The following ALLC variants were observed in gnomAD, a reference collection of about 807,000 sequenced individuals.
ALLC encodes allantoicase, also known as probable inactive allantoicase.
In ALLC, 40 loss-of-function variants were observed where a neutral mutation model predicts 45.0. The observed-to-expected ratio is 0.89, with a 90% CI of 0.69 to 1.16. The LOEUF (loss-of-function observed/expected upper bound fraction) is 1.16. Ranked by LOEUF, ALLC falls within the 50% of genes most tolerant of loss-of-function variation. ALLC has a pLI of 0.00. For missense variants in ALLC, 488 were observed against 493.1 expected (o/e 0.99, Z 0.10); for synonymous variants, 176 against 178.1 (o/e 0.99, Z 0.09).
At chr2:3,653,757 G>A (rs1666385624), upstream of ALLC, among the ~76,000 whole-genome samples, 1 of 152,012 alleles carries the variant, frequency 6.6e-6, no homozygotes. The surrounding 1 kb of genome is among the most constrained non-coding windows in gnomAD (Gnocchi z 4.1). Flanking sequence ...TGGCAGAGCT[G>A]AGGGAAGACT....
intron 1 of ALLC, among the ~76,000 whole-genome samples, chr2:3,663,237 T>C (rs944385436): frequency 6.6e-6 from 1 of 152,172 alleles, no homozygotes; most frequent in Admixed American, 6.5e-5. Flanking sequence ...TGGAATACTA[T>C]GCAGCCATAA....
intron 1 of ALLC, among the ~76,000 whole-genome samples, chr2:3,669,482 C>A (rs1666808945): frequency 6.9e-6 from 1 of 145,012 alleles, no homozygotes; most frequent in South Asian, 2.2e-4. Flanking sequence ...TCAAAAAAAA[C>A]CCTCCCAAAA....
rs570035842 is a variant in ALLC, at chr2:3,686,886, AAGG to A, written c.511+3815_511+3817del. ...GTATAAGATCATATTGTCTATGAAG[AAGG>A]AGAACTTCACTTCTTTCTTTTCAAT... On this transcript the variant is annotated intron_variant, in intron 7 of 11. Coordinates refer to ENST00000252505, the MANE Select transcript of ALLC (RefSeq NM_018436.4). Among the ~76,000 whole-genome samples the A allele has an allele frequency of 4.1e-4, 62 of 151,118 alleles. 1 individual carries two copies. Among genetic ancestry groups the A allele is most frequent in the African/African-American group, 1.4e-3 (60 of 41,446 alleles).
chr2:3,664,506 G>A (rs1666647299), intron 1 of ALLC, among the ~76,000 whole-genome samples: 1 of 152,202 alleles, frequency 6.6e-6, no homozygotes, highest in Non-Finnish European at 1.5e-5. Context: ...GGGTCAGTGA[G>A]TGGACATCGA....
chr2:3,684,018 A>G (rs1253211326), intron 7 of ALLC, among the ~76,000 whole-genome samples: 1 of 152,236 alleles, frequency 6.6e-6, no homozygotes, highest in Non-Finnish European at 1.5e-5. Context: ...ACTTGTTTCC[A>G]TCTGCTGGCT....
chr2:3,651,321 GTGTGT>G, the ALLC span, among the ~76,000 whole-genome samples: 8 of 1,700 alleles, frequency 4.7e-3, no homozygotes, highest in Non-Finnish European at 8.3e-3. Context: ...GGTGGGGGGG[GTGTGT>G]GTGTGTGTGT....
At chr2:3,646,438 AC>A in the ALLC span, among the ~76,000 whole-genome samples, 6 of 152,230 alleles carry the variant, frequency 3.9e-5, no homozygotes, top group African/African-American at 1.4e-4. Context: ...ACAGTTCTTG[AC>A]AGGAATTTCT....
At chr2:3,702,334 T>C (rs776013492) in intron 11 of ALLC, 29 bp from the exon 12 acceptor site, 2 of 1,604,894 alleles carry the variant, frequency 1.2e-6, no homozygotes, top group Non-Finnish European at 1.7e-6. Context: ...GTTAACAGAC[T>C]AGGACCTCTG....
chr2:3,651,314 G>GTGTGTGTGTGTGTGTGTGTGTGT, the ALLC span, among the ~76,000 whole-genome samples: 1 of 4,922 alleles, frequency 2.0e-4, no homozygotes, highest in African/African-American at 9.1e-4. Flanking sequence ...GTGGGTGGGT[G>GTGTGTGTGTGTGTGTGTGTGTGT]GGGGGGGTGT....
At chr2:3,699,650 C>T (rs949092686) in intron 10 of ALLC, among the ~76,000 whole-genome samples, 1 of 152,138 alleles carries the variant, frequency 6.6e-6, no homozygotes, top group Non-Finnish European at 1.5e-5. Flanking sequence ...TTCTCCACAA[C>T]CTTGTCAACA....
At chr2:3,650,850 T>C in the ALLC span, among the ~76,000 whole-genome samples, 1 of 152,216 alleles carries the variant, frequency 6.6e-6, no homozygotes, top group Non-Finnish European at 1.5e-5. Context: ...TCTTTGTACC[T>C]GGTTAATTCA....
chr2:3,679,917 G>C lies in ALLC; in HGVS notation c.221G>C (p.Gly74Ala). 6.2e-7 allele frequency: 1 copy of C among 1,613,974 alleles called. No individual in the cohort carries two copies. Among genetic ancestry groups the C allele is most frequent in the East Asian group, 2.2e-5 (1 of 44,876 alleles). The stretch of plus-strand genomic sequence containing the variant: ...CTGGGGATCCAAGGAGTCATCCGGG[G>C]CTTCGACGTGGACGTTTCTTACTTC... ...LRLGIQGVIR[G>A]FDVDVSYFTG... Residue 74 changes from glycine to alanine, a missense_variant, in exon 5 of 12, where the codon GGC (glycine) becomes GCC (alanine). Gly to Ala is a moderately conservative substitution (Grantham distance 60). Transcript: ENST00000252505.
intron 3 of ALLC, 81 bp from the exon 4 acceptor site, chr2:3,678,387 C>T (rs1226388963): frequency 6.5e-6 from 8 of 1,227,196 alleles, no homozygotes; most frequent in Non-Finnish European, 8.4e-6. Flanking sequence ...TCCTCTGGCA[C>T]TGTGGGACAG....
intron 6 of ALLC, among the ~76,000 whole-genome samples, chr2:3,682,596 G>A (rs1026024096): frequency 1.3e-5 from 2 of 152,138 alleles, no homozygotes; most frequent in Non-Finnish European, 2.9e-5. Flanking sequence ...CGCGATCTCG[G>A]CTCACTGCAA....
In ALLC at chr2:3,697,430, T is replaced by C. The variant is rs1667704158; in HGVS notation, c.824T>C (p.Ile275Thr). 6.2e-7 allele frequency: 1 copy of C among 1,613,734 alleles called. No individual in the cohort carries two copies. The highest frequency in any genetic ancestry group is 1.3e-5 in the African/African-American group (1 of 74,890). The change falls in exon 10 of 12, where the codon ATT becomes ACT. Residue 275 changes from isoleucine (I) to threonine (T), a missense_variant. Physicochemically the swap from Ile to Thr is moderately conservative, Grantham distance 89. Coordinates refer to ENST00000252505, the MANE Select transcript of ALLC (RefSeq NM_018436.4). ...GCACATCCTGGAGTAATAACTCGAA[T>C]TGAAATTGACACAAAATATTTTGAA... is the stretch of plus-strand genomic sequence containing the variant. ...RLAHPGVITRIEIDTKYFEGN... is the reference protein window; with the variant it reads ...RLAHPGVITRTEIDTKYFEGN...
At chr2:3,678,649 T>G in intron 4 of ALLC, 94 bp downstream of exon 4, 1 of 946,552 alleles carries the variant, frequency 1.1e-6, no homozygotes, top group Non-Finnish European at 1.7e-6. Flanking sequence ...TGGGTCAGCT[T>G]TAACATGGGG....
At chr2:3,672,241 C>G (rs1238855458) in intron 2 of ALLC, among the ~76,000 whole-genome samples, 1 of 116,284 alleles carries the variant, frequency 8.6e-6, no homozygotes. Context: ...GGTCCTCTGG[C>G]TCTGGTTAGA....
At chr2:3,660,908 A>ATGAGTCAGGGTGG (rs1666558990) in intron 1 of ALLC, among the ~76,000 whole-genome samples, 8 of 111,576 alleles carry the variant, frequency 7.2e-5, no homozygotes, top group East Asian at 3.3e-4. Flanking sequence ...CAGGTGATCA[A>ATGAGTCAGGGTGG]AAAAGGTTGC....
chr2:3,652,039 A>G, the ALLC span, among the ~76,000 whole-genome samples: 4,694 of 152,250 alleles, frequency 0.031, 231 homozygotes, highest in African/African-American at 0.11. Context: ...AAGCAGGAAA[A>G]TCGCAGTCGG....
Sources: allele counts gnomAD v4.1 joint callset (sites outside exome capture counted in the v4.1 genomes callset), GRCh38; gene constraint gnomAD v4.1.1; non-coding constraint Gnocchi (gnomAD v3.1); transcripts MANE v1.5; gene names NCBI Gene and HGNC (gene_info 2026-07-23, HGNC 2026-07-21).